The following TTC28 variants were observed in gnomAD, a reference collection of about 807,000 sequenced individuals.
TTC28 encodes tetratricopeptide repeat protein 28.
In TTC28, 61 loss-of-function variants were observed where a neutral mutation model predicts 198.0. That is an observed-to-expected ratio of 0.31 (90% CI 0.25 to 0.38). The LOEUF (loss-of-function observed/expected upper bound fraction) is 0.38, where lower values mean the gene tolerates loss of function less well. Among genes scored for constraint, TTC28 ranks in the 10% least tolerant of loss-of-function variants. TTC28 has a pLI of 1.00. For missense variants in TTC28, 2,678 were observed against 3,164.0 expected, an observed-to-expected ratio of 0.85 and a Z score of 3.69; for synonymous variants, 1,171 against 1,297.8, an observed-to-expected ratio of 0.90 and a Z score of 2.10.
At chr22:28,641,318 G>A (rs373464673) in intron 1 of TTC28, among the ~76,000 whole-genome samples, 6 of 150,030 alleles carry the variant, frequency 4.0e-5, no homozygotes, top group South Asian at 2.1e-4. Context: ...GCAAGACTCC[G>A]TCTCAAAAAA....
chr22:28,199,386 TA>T (rs1925687830), intron 5 of TTC28, among the ~76,000 whole-genome samples: 1 of 4,246 alleles, frequency 2.4e-4, no homozygotes, highest in Admixed American at 2.3e-3. Context: ...TTAAAAATTA[TA>T]TATATATATA....
chr22:28,043,689 A>G (rs1459694725), intron 12 of TTC28, among the ~76,000 whole-genome samples: 2 of 152,166 alleles, frequency 1.3e-5, no homozygotes, highest in Non-Finnish European at 2.9e-5. Context: ...TAACCTTATT[A>G]GAAATCCCCC....
chr22:28,653,621 T>C (rs932378584), intron 1 of TTC28, among the ~76,000 whole-genome samples: 4 of 152,226 alleles, frequency 2.6e-5, no homozygotes, highest in African/African-American at 7.2e-5. Context: ...AACTTTCTTA[T>C]CTCTCATTTG....
At chr22:28,186,076 T>C (rs1326252902) in intron 5 of TTC28, among the ~76,000 whole-genome samples, 1 of 152,226 alleles carries the variant, frequency 6.6e-6, no homozygotes, top group Non-Finnish European at 1.5e-5. Flanking sequence ...TTTGCAATTT[T>C]TTTTAAAAAT....
intron 14 of TTC28, among the ~76,000 whole-genome samples, chr22:28,003,261 G>C (rs1185306671): frequency 6.6e-6 from 1 of 152,164 alleles, no homozygotes; most frequent in Non-Finnish European, 1.5e-5. Flanking sequence ...ACACCGTGGA[G>C]GTGTGCCAGT....
At chr22:28,367,905 G>C (rs2046273529) in intron 2 of TTC28, among the ~76,000 whole-genome samples, 1 of 151,980 alleles carries the variant, frequency 6.6e-6, no homozygotes, top group Non-Finnish European at 1.5e-5. Flanking sequence ...CAAGTAATGA[G>C]ATTAAAGCTG....
At chr22:28,483,398 T>A (rs1297512627) in intron 2 of TTC28, among the ~76,000 whole-genome samples, 3 of 152,110 alleles carry the variant, frequency 2.0e-5, no homozygotes, top group Non-Finnish European at 4.4e-5. Flanking sequence ...ATGAACAGTA[T>A]GAAATTAGAT....
chr22:28,210,779 T>C (rs1157832665), intron 5 of TTC28, among the ~76,000 whole-genome samples: 1 of 151,994 alleles, frequency 6.6e-6, no homozygotes, highest in Non-Finnish European at 1.5e-5. Flanking sequence ...ATTCAGGAAA[T>C]ACAGAGAATG....
intron 5 of TTC28, among the ~76,000 whole-genome samples, chr22:28,196,442 T>A (rs1208226611): frequency 6.6e-6 from 1 of 151,926 alleles, no homozygotes; most frequent in Non-Finnish European, 1.5e-5. Context: ...ACAAATGGGA[T>A]CTAATTAAAC....
At chr22:28,492,205 C>T (rs113715994) in intron 2 of TTC28, among the ~76,000 whole-genome samples, 2,947 of 151,850 alleles carry the variant, frequency 0.019, 29 homozygotes, top group Non-Finnish European at 0.026. Flanking sequence ...GGCACATGTA[C>T]ACATATGTAA....
chr22:28,339,508 G>A (rs981440477), intron 2 of TTC28, among the ~76,000 whole-genome samples: 1 of 152,182 alleles, frequency 6.6e-6, no homozygotes. Flanking sequence ...ACAGAGGCAG[G>A]CAGGCCTCCT....
At chr22:28,245,486 A>G (rs188506247) in intron 5 of TTC28, among the ~76,000 whole-genome samples, 35 of 152,264 alleles carry the variant, frequency 2.3e-4, no homozygotes, top group Non-Finnish European at 3.8e-4. Context: ...CTAAGGTCAC[A>G]CTGTTAATAA....
At chr22:28,296,754 T>C (rs777171085) in intron 4 of TTC28, among the ~76,000 whole-genome samples, 1 of 152,156 alleles carries the variant, frequency 6.6e-6, no homozygotes, top group African/African-American at 2.4e-5. Flanking sequence ...CCTTATCCCT[T>C]CTCTTACTCC....
intron 2 of TTC28, among the ~76,000 whole-genome samples, chr22:28,603,917 CAA>C (rs1346563680): frequency 6.6e-6 from 1 of 151,950 alleles, no homozygotes; most frequent in Non-Finnish European, 1.5e-5. Flanking sequence ...CTTCAATTTC[CAA>C]AAGAGACTAA....
chr22:28,333,870 C>T (rs944065620), intron 2 of TTC28, among the ~76,000 whole-genome samples: 11 of 151,964 alleles, frequency 7.2e-5, no homozygotes, highest in East Asian at 3.9e-4. Context: ...TTTTATTATA[C>T]TTTAACTTTT....
intron 12 of TTC28, among the ~76,000 whole-genome samples, chr22:28,060,742 T>G (rs1257695553): frequency 1.3e-5 from 2 of 152,142 alleles, no homozygotes; most frequent in Non-Finnish European, 2.9e-5. Flanking sequence ...TTTCTCCACA[T>G]CCTCTCCAGC....
At chr22:28,374,229 GA>G in intron 2 of TTC28, among the ~76,000 whole-genome samples, 1 of 152,156 alleles carries the variant, frequency 6.6e-6, no homozygotes, top group East Asian at 1.9e-4. Flanking sequence ...ATGTTTTGAA[GA>G]AAGAATTGCC....
chr22:28,272,898 T>C (rs1296549931), intron 5 of TTC28, among the ~76,000 whole-genome samples: 33 of 152,140 alleles, frequency 2.2e-4, no homozygotes, highest in Non-Finnish European at 1.5e-5. Flanking sequence ...ATTTTATAAG[T>C]AGCATACACC....
intron 5 of TTC28, among the ~76,000 whole-genome samples, chr22:28,226,372 T>G (rs915775695): frequency 6.6e-6 from 1 of 152,124 alleles, no homozygotes; most frequent in Non-Finnish European, 1.5e-5. Context: ...TAGTTTAAAT[T>G]TGCATTTCCC....
Sources: allele counts gnomAD v4.1 joint callset (sites outside exome capture counted in the v4.1 genomes callset), GRCh38; gene constraint gnomAD v4.1.1; transcripts MANE v1.5; gene names NCBI Gene and HGNC (gene_info 2026-07-23, HGNC 2026-07-21).